Variants in IQGAP1 observed in about 807,000 individuals in gnomAD.
The protein encoded by IQGAP1 is ras GTPase-activating-like protein IQGAP1.
In IQGAP1, 66 loss-of-function variants were observed where a neutral mutation model predicts 215.6. That is an observed-to-expected ratio of 0.31 (90% CI 0.25 to 0.38). IQGAP1 has a LOEUF of 0.38. IQGAP1 is among the 10% of genes least tolerant of loss of function. The pLI, the probability that IQGAP1 is intolerant of heterozygous loss-of-function variation, is 1.00. For synonymous variants in IQGAP1, 772 were observed against 728.7 expected (o/e 1.06, Z -0.96); for missense variants, 1,712 against 1,997.1 (o/e 0.86, Z 2.72).
chr15:90,485,775 T>C (rs1489721692), intron 30 of IQGAP1, among the ~76,000 whole-genome samples: 1 of 152,134 alleles, frequency 6.6e-6, no homozygotes, highest in Non-Finnish European at 1.5e-5. Flanking sequence ...TTTGAATCCT[T>C]TATGGCCATG....
At chr15:90,456,403 A>G in intron 15 of IQGAP1, 88 bp downstream of exon 15, 7 of 1,301,028 alleles carry the variant, frequency 5.4e-6, no homozygotes, top group Non-Finnish European at 6.4e-6. Flanking sequence ...TCCTTGATTC[A>G]TTCAGTGAAT....
intron 15 of IQGAP1, among the ~76,000 whole-genome samples, chr15:90,458,236 AC>A (rs1347499020): frequency 6.6e-6 from 1 of 152,204 alleles, no homozygotes; most frequent in Non-Finnish European, 1.5e-5. Context: ...CCATTGTATG[AC>A]TGTACCACAT....
At chr15:90,422,791 G>T (rs1031043769) in intron 2 of IQGAP1, among the ~76,000 whole-genome samples, 1 of 151,334 alleles carries the variant, frequency 6.6e-6, no homozygotes, top group Middle Eastern at 3.2e-3. Context: ...GACCTCCTGG[G>T]CTCAAACGGT....
At chr15:90,411,686 G>A (rs1163270165) in intron 2 of IQGAP1, among the ~76,000 whole-genome samples, 1 of 152,110 alleles carries the variant, frequency 6.6e-6, no homozygotes, top group Non-Finnish European at 1.5e-5. Context: ...TAATGATTAA[G>A]CTGTAGCTTC....
At chr15:90,391,572 C>G (rs1172305312) in intron 2 of IQGAP1, 1 of 152,446 alleles carries the variant, frequency 6.6e-6, no homozygotes, top group Non-Finnish European at 1.5e-5. Flanking sequence ...CTCCTATGAC[C>G]TGCGGAGTGG....
chr15:90,484,350 A>G lies in IQGAP1; in HGVS notation c.3919A>G (p.Thr1307Ala). ...CATTGGTGAAATCATCAACACCCAC[A>G]CTGTAAGTATTTTTCTTTAATTACT... ...ISIGEIINTH[T>A]LLLDHQDAIA... Residue 1307 changes from threonine (T) to alanine (A), a missense_variant and splice_region_variant, in exon 30 of 38, where the codon ACT becomes GCT. Transcript: ENST00000268182. 2 of 1,607,780 alleles carry G rather than the reference A, an allele frequency of 1.2e-6. No individual in the cohort carries two copies. Among genetic ancestry groups the G allele is most frequent in the Non-Finnish European group, 1.7e-6 (2 of 1,176,484 alleles).
chr15:90,390,911 G>A (rs374995395), intron 2 of IQGAP1, 38 bp downstream of exon 2: 2 of 1,205,370 alleles, frequency 1.7e-6, no homozygotes, highest in East Asian at 2.3e-5. Context: ...TTAAGAGAAG[G>A]GAACTGATAA....
intron 2 of IQGAP1, among the ~76,000 whole-genome samples, chr15:90,400,666 C>G (rs1321450931): frequency 6.6e-6 from 1 of 152,122 alleles, no homozygotes; most frequent in Non-Finnish European, 1.5e-5. Flanking sequence ...AAGTGTGGCC[C>G]GTTAGTTTGA....
Position 90,486,068 on chromosome 15 carries a change from CAAT to C in IQGAP1, c.3961_3963del (p.Asn1321del). 1 of 1,613,936 alleles carries C rather than the reference CAAT, an allele frequency of 6.2e-7. No individual in the cohort carries two copies. Among genetic ancestry groups the C allele is most frequent in the Non-Finnish European group, 8.5e-7 (1 of 1,179,946 alleles). ...ACCAGGATGCCATTGCTCCGGAGCA[CAAT>C]GATCCAATCCACGAACTGCTGGACG... is the stretch of plus-strand genomic sequence containing the variant. On this transcript the variant is annotated inframe_deletion, in exon 31 of 38. Transcript: ENST00000268182.
At chr15:90,476,500 T>C (rs547256733) in intron 23 of IQGAP1, among the ~76,000 whole-genome samples, 163 bp from the exon 24 acceptor site, 1 of 152,354 alleles carries the variant, frequency 6.6e-6, no homozygotes, top group East Asian at 1.9e-4. Context: ...TTGACTGGTG[T>C]ACTGAAAACA....
At chr15:90,413,438 C>T (rs750106419) in intron 2 of IQGAP1, among the ~76,000 whole-genome samples, 2 of 152,030 alleles carry the variant, frequency 1.3e-5, no homozygotes, top group East Asian at 1.9e-4. Flanking sequence ...GAACTGAGCT[C>T]GCGGTGGATT....
intron 11 of IQGAP1, among the ~76,000 whole-genome samples, chr15:90,451,770 C>G (rs747799202): frequency 9.9e-5 from 15 of 151,538 alleles, no homozygotes; most frequent in African/African-American, 2.0e-4. Context: ...ATGTTCTCCT[C>G]ATGGCTGTAA....
chr15:90,412,737 AAGAC>A (rs1212785518), intron 2 of IQGAP1, among the ~76,000 whole-genome samples: 1 of 152,218 alleles, frequency 6.6e-6, no homozygotes, highest in Non-Finnish European at 1.5e-5. Context: ...ATTGTGGAGA[AAGAC>A]AGCCAAATTT....
chr15:90,449,786 G>A, intron 11 of IQGAP1, 143 bp downstream of exon 11: 2 of 584,614 alleles, frequency 3.4e-6, no homozygotes, highest in Admixed American at 6.5e-5. Context: ...TGGCAGGAGG[G>A]TTCCTCCAGT....
At chr15:90,433,420 G>A (rs1320631570) in intron 4 of IQGAP1, among the ~76,000 whole-genome samples, 1 of 152,126 alleles carries the variant, frequency 6.6e-6, no homozygotes. Context: ...GCCTGTGTCT[G>A]GGTCTGAAAT....
intron 9 of IQGAP1, among the ~76,000 whole-genome samples, chr15:90,446,661 G>A (rs540896786): frequency 4.2e-4 from 64 of 152,220 alleles, no homozygotes; most frequent in African/African-American, 1.4e-3. Flanking sequence ...TAGGGACTTC[G>A]GGTTCCAGGA....
At position 90,431,360 on chromosome 15, in the gene IQGAP1, A is replaced by G. The variant is rs1252874139; in HGVS notation, c.390+1694A>G. On this transcript the variant is annotated intron_variant, in intron 4 of 37. Coordinates refer to ENST00000268182, the MANE Select transcript of IQGAP1 (RefSeq NM_003870.4). ...TGTAATTTCCTTTCCCTGTTTTTTA[A>G]TATAGTATAAAATACTGTGCTATAT... 2.0e-5 allele frequency: 3 copies of G among 152,136 alleles called. No individual in the cohort carries two copies. The East Asian group carries it at 5.8e-4, about 29-fold the overall frequency. The allele number at this position is 152,136 out of a possible 1,614,324, so 9.4% of individuals were successfully genotyped here. A position where few individuals can be genotyped will look rare whatever the true frequency, so the allele number is the denominator to read the frequency against.
At chr15:90,456,403 A>T in intron 15 of IQGAP1, 88 bp downstream of exon 15, 1 of 1,301,030 alleles carries the variant, frequency 7.7e-7, no homozygotes, top group Non-Finnish European at 1.1e-6. Flanking sequence ...TCCTTGATTC[A>T]TTCAGTGAAT....
chr15:90,435,593 A>C (rs1247289024), intron 5 of IQGAP1, among the ~76,000 whole-genome samples: 1 of 152,224 alleles, frequency 6.6e-6, no homozygotes, highest in Non-Finnish European at 1.5e-5. Context: ...AATCTTGTGA[A>C]GGCCTTACCT....
Sources: allele counts gnomAD v4.1 joint callset (sites outside exome capture counted in the v4.1 genomes callset), GRCh38; gene constraint gnomAD v4.1.1; transcripts MANE v1.5; gene names NCBI Gene and HGNC (gene_info 2026-07-23, HGNC 2026-07-21).